The following JAKMIP3 variants were observed in gnomAD, a reference collection of about 807,000 sequenced individuals.
The protein encoded by JAKMIP3 is janus kinase and microtubule-interacting protein 3.
JAKMIP3 carries 58 observed loss-of-function variants against 118.5 expected under a neutral mutation model. The ratio of observed to expected loss-of-function variants is 0.49; its 90% CI spans 0.40 to 0.61. JAKMIP3 has a LOEUF of 0.61. JAKMIP3 is among the 20% of genes least tolerant of loss of function. The pLI is 0.00. For synonymous variants in JAKMIP3, 486 were observed against 451.2 expected (o/e 1.08, Z -0.98); for missense variants, 950 against 1,109.0 (o/e 0.86, Z 2.04).
At chr10:132,137,801 A>G (rs1472585238) in intron 8 of JAKMIP3, among the ~76,000 whole-genome samples, 5 of 152,206 alleles carry the variant, frequency 3.3e-5, no homozygotes, top group African/African-American at 1.2e-4. Flanking sequence ...GTCCCCTTCC[A>G]GCTTCCCACA....
At chr10:132,165,009 G>A (rs141468131) in intron 21 of JAKMIP3, among the ~76,000 whole-genome samples, 263 of 152,294 alleles carry the variant, frequency 1.7e-3, no homozygotes, top group Middle Eastern at 6.8e-3. Flanking sequence ...GACCGCAGAG[G>A]AGCCACTCCT....
Position 132,179,914 on chromosome 10 carries a change from CCT to C in JAKMIP3, c.*1104-2442_*1104-2441del, listed in dbSNP as rs370109867. ...CTCTCTCCCCTCCCATGCTCTTCCC[CCT>C]GTGAGGTGCACACGGGGCACACACT... On this transcript the variant is annotated intron_variant, in intron 23 of 23. Transcript: ENST00000684848. This position sits in a 1 kb window ranked among gnomAD's most constrained non-coding sequence, Gnocchi z 4.3. Among the ~76,000 whole-genome samples the C allele has an allele frequency of 7.2e-3, 1,091 of 152,304 alleles. 14 individuals carry two copies. Among genetic ancestry groups the C allele is most frequent in the South Asian group, 0.021 (101 of 4,828 alleles).
At chr10:132,046,625 A>G (rs1026430838) in intron 1 of JAKMIP3, among the ~76,000 whole-genome samples, 1 of 152,094 alleles carries the variant, frequency 6.6e-6, no homozygotes, top group Admixed American at 6.5e-5. Flanking sequence ...CCATTCTCCT[A>G]GTTTAGGCTC....
intron 23 of JAKMIP3, among the ~76,000 whole-genome samples, chr10:132,172,932 G>A (rs944618156): frequency 8.1e-5 from 12 of 147,556 alleles, no homozygotes; most frequent in South Asian, 6.5e-4. Context: ...TGTGCTTCCC[G>A]CCTTCCCTCT....
rs762405228 is a variant in JAKMIP3 at position 132,118,407 on chromosome 10, G to A, written c.633+833G>A. Among the ~76,000 whole-genome samples, 7 of 152,226 alleles carry A rather than the reference G, an allele frequency of 4.6e-5. No individual in the cohort carries two copies. The highest frequency in any genetic ancestry group is 2.1e-4 in the South Asian group (1 of 4,836). Reference sequence around the variant, plus strand: ...AAATGGAGCTCTGTCTTAGAGGTGCGTGCCCCAGCCCTGTGCCTCTTCAGG... The same window carrying A: ...AAATGGAGCTCTGTCTTAGAGGTGCATGCCCCAGCCCTGTGCCTCTTCAGG... On this transcript the variant is annotated intron_variant, in intron 3 of 23. Transcript: ENST00000684848. This position sits in a 1 kb window ranked among gnomAD's most constrained non-coding sequence, Gnocchi z 4.8.
intron 1 of JAKMIP3, among the ~76,000 whole-genome samples, chr10:132,055,755 A>G (rs895738653): frequency 1.3e-5 from 2 of 152,170 alleles, no homozygotes; most frequent in South Asian, 4.1e-4. Context: ...TCCTGGCTCA[A>G]CCACCCTCTC....
intron 1 of JAKMIP3, among the ~76,000 whole-genome samples, chr10:132,101,749 T>C (rs1024037232): frequency 2.6e-5 from 4 of 151,826 alleles, no homozygotes; most frequent in African/African-American, 7.3e-5. Flanking sequence ...GGGCTGTCTA[T>C]GAGGACTTGA....
chr10:132,174,667 G>A (rs1360515556), intron 23 of JAKMIP3, among the ~76,000 whole-genome samples: 1 of 152,104 alleles, frequency 6.6e-6, no homozygotes, highest in Non-Finnish European at 1.5e-5. Flanking sequence ...GTGAGTGCAT[G>A]CTTACTTTTT....
intron 20 of JAKMIP3, among the ~76,000 whole-genome samples, chr10:132,164,114 G>A (rs920455312): frequency 3.3e-5 from 5 of 152,240 alleles, no homozygotes; most frequent in Admixed American, 3.3e-4. Flanking sequence ...GTGCCAGCTG[G>A]CTGTGGGCAT....
Position 132,166,674 on chromosome 10 carries a change from C to T in JAKMIP3, c.2491-309C>T, listed in dbSNP as rs570043267. Among the ~76,000 whole-genome samples, 19 of 152,276 alleles carry T rather than the reference C, an allele frequency of 1.2e-4. No homozygotes were observed. In the South Asian group the frequency reaches 3.5e-3, roughly 28 times the overall value. On this transcript the variant is annotated intron_variant, in intron 21 of 23. Transcript: ENST00000684848. ...GGTTTCACTTCAGGGAGGAGGAGAC[C>T]CAGTCCCCGGGAGGCTGGCCTTGTG...
At chr10:132,070,428 G>A (rs1417431050) in intron 1 of JAKMIP3, among the ~76,000 whole-genome samples, 4 of 152,164 alleles carry the variant, frequency 2.6e-5, no homozygotes, top group Non-Finnish European at 4.4e-5. Flanking sequence ...GATTACAGGC[G>A]TGAGCCACCG....
intron 2 of JAKMIP3, among the ~76,000 whole-genome samples, chr10:132,111,532 G>T (rs9419205): frequency 0.2 from 29,759 of 151,962 alleles, 3,058 homozygotes; most frequent in African/African-American, 0.27. Context: ...GGCCCCGGGG[G>T]CCATGCGGGT....
chr10:132,061,470 A>G (rs9419333), upstream of JAKMIP3, among the ~76,000 whole-genome samples: 1,807 of 152,374 alleles, frequency 0.012, 159 homozygotes, highest in East Asian at 0.23. Context: ...TTCCCGGTTA[A>G]TCTATAAACT....
At chr10:132,057,708 C>T (rs772672590) in intron 1 of JAKMIP3, among the ~76,000 whole-genome samples, 24 of 152,176 alleles carry the variant, frequency 1.6e-4, no homozygotes, top group Non-Finnish European at 2.2e-4. Flanking sequence ...GCAGGGGTGT[C>T]GACCCCTTGG....
chr10:132,090,275 G>A (rs1169381862), intron 1 of JAKMIP3, among the ~76,000 whole-genome samples: 5 of 152,128 alleles, frequency 3.3e-5, no homozygotes, highest in African/African-American at 9.7e-5. Context: ...GAATAGTTTC[G>A]GAAAGAATGG....
chr10:132,158,191 T>G (rs1342365091), intron 19 of JAKMIP3, among the ~76,000 whole-genome samples: 1 of 151,610 alleles, frequency 6.6e-6, no homozygotes, highest in African/African-American at 2.4e-5. Flanking sequence ...TCTGGAGTGA[T>G]GCCTCAGTCC....
intron 22 of JAKMIP3, 39 bp from the exon 23 acceptor site, chr10:132,167,910 CGGAG>C: frequency 7.9e-7 from 1 of 1,269,634 alleles, no homozygotes; most frequent in African/African-American, 1.5e-5. Flanking sequence ...TCCAGCCAAG[CGGAG>C]CCTCGCTGAC....
At position 132,142,020 on chromosome 10, in the gene JAKMIP3, G is replaced by A. The variant is rs773653963; in HGVS notation, c.1574G>A (p.Gly525Glu). 6.8e-6 allele frequency: 11 copies of A among 1,608,668 alleles called. No homozygotes were observed. The highest frequency in any genetic ancestry group is 9.3e-6 in the Non-Finnish European group (11 of 1,177,932). ...AYALLQEQVG[G>E]TLDAEREVKT... ...GCTTTGTTGCAGGAGCAGGTTGGAGGGACGCTGGACGCAGAGCGAGAAGTT... is the reference window on the plus strand; with the variant it reads ...GCTTTGTTGCAGGAGCAGGTTGGAGAGACGCTGGACGCAGAGCGAGAAGTT... The change falls in exon 11 of 24, where the codon GGG (glycine) becomes GAG (glutamate). Residue 525 changes from glycine (G) to glutamate (E), a missense_variant. By Grantham distance (98) the Gly-to-Glu change is moderately conservative. Transcript: ENST00000684848.
intron 1 of JAKMIP3, among the ~76,000 whole-genome samples, chr10:132,055,350 TCATG>T (rs2038209917): frequency 6.6e-6 from 1 of 152,180 alleles, no homozygotes; most frequent in Non-Finnish European, 1.5e-5. Context: ...CATGCAGAGT[TCATG>T]CAGGCAGGTC....
Sources: allele counts gnomAD v4.1 joint callset (sites outside exome capture counted in the v4.1 genomes callset), GRCh38; gene constraint gnomAD v4.1.1; non-coding constraint Gnocchi (gnomAD v3.1); transcripts MANE v1.5; gene names NCBI Gene and HGNC (gene_info 2026-07-23, HGNC 2026-07-21).